The following MYRFL variants were observed in gnomAD, a reference collection of about 807,000 sequenced individuals.
MYRFL encodes myelin regulatory factor like, also known as myelin regulatory factor-like protein.
Under a neutral mutation model 109.4 loss-of-function variants are expected in MYRFL, and 88 were observed. That is an observed-to-expected ratio of 0.80 (90% CI 0.68 to 0.96). MYRFL has a LOEUF of 0.96. Among genes scored for constraint, MYRFL ranks in the 40% least tolerant of loss-of-function variants. The pLI is 0.00. For missense variants in MYRFL, 957 were observed against 954.9 expected, an observed-to-expected ratio of 1.00 and a Z score of -0.03; for synonymous variants, 324 against 320.9, an observed-to-expected ratio of 1.01 and a Z score of -0.10.
At chr12:69,842,587 G>A (rs1243705965) in intron 1 of MYRFL, among the ~76,000 whole-genome samples, 1 of 152,200 alleles carries the variant, frequency 6.6e-6, no homozygotes, top group Non-Finnish European at 1.5e-5. Flanking sequence ...AGCTGGCAGT[G>A]GGGTCCGGGA....
chr12:69,860,178 C>G (rs1409954169), intron 2 of MYRFL, among the ~76,000 whole-genome samples: 2 of 152,118 alleles, frequency 1.3e-5, no homozygotes, highest in East Asian at 3.8e-4. Flanking sequence ...TCAGCTCCCA[C>G]TTATAAGTGA....
rs967994302 is a variant in MYRFL at position 69,865,349 on chromosome 12, C to G, written c.137+9979C>G. Among the ~76,000 whole-genome samples the G allele has an allele frequency of 2.6e-5, 4 of 152,122 alleles. No homozygotes were observed. The East Asian group carries it at 5.8e-4, about 22-fold the overall frequency. On this transcript the variant is annotated intron_variant, in intron 2 of 24. Transcript: ENST00000552032. ...CCCAGCAGGGTCTGTTCAGATTTTT[C>G]TTGGCTTCTCTTTGTAGCATTGCTT...
chr12:69,868,653 T>G (rs1885152173), intron 2 of MYRFL, among the ~76,000 whole-genome samples: 1 of 152,222 alleles, frequency 6.6e-6, no homozygotes, highest in South Asian at 2.1e-4. Context: ...CCTTGTTTTT[T>G]GCTGCCATAT....
intron 19 of MYRFL, among the ~76,000 whole-genome samples, chr12:69,950,523 A>T (rs1374867702): frequency 6.6e-6 from 1 of 152,220 alleles, no homozygotes; most frequent in African/African-American, 2.4e-5. Flanking sequence ...AATAAATATG[A>T]CTAATGAGTA....
At chr12:69,853,397 AC>A (rs1258332394) in intron 1 of MYRFL, among the ~76,000 whole-genome samples, 2 of 141,438 alleles carry the variant, frequency 1.4e-5, no homozygotes, top group Non-Finnish European at 3.1e-5. Context: ...CACTTCTCAG[AC>A]GGGGCGGCCG....
chr12:69,958,605 CA>C lies in MYRFL; in HGVS notation c.*76del. The stretch of plus-strand genomic sequence containing the variant: ...TTTAACAGAAACGAACATCCTCTTG[CA>C]ACTTCTTTTTTCTTCTTTGTAAAAC... On this transcript the variant is annotated 3_prime_UTR_variant, in exon 25 of 25. Coordinates refer to ENST00000552032, the MANE Select transcript of MYRFL (RefSeq NM_182530.3). 1 of 1,109,660 alleles carries C rather than the reference CA, an allele frequency of 9.0e-7. No homozygotes were observed. The highest frequency in any genetic ancestry group is 1.6e-5 in the African/African-American group (1 of 62,832). 68.7% of individuals were successfully genotyped at this position (1,109,660 alleles called of 1,614,324 possible).
intron 19 of MYRFL, among the ~76,000 whole-genome samples, chr12:69,944,977 AC>A (rs200620220): frequency 0.035 from 5,278 of 152,254 alleles, 312 homozygotes; most frequent in African/African-American, 0.12. Flanking sequence ...ACTCATTAAT[AC>A]AAATTTTTTT....
chr12:69,957,767 G>C (rs1339443673), intron 22 of MYRFL, 55 bp from the exon 23 acceptor site: 6 of 1,490,298 alleles, frequency 4.0e-6, no homozygotes, highest in African/African-American at 2.8e-5. Flanking sequence ...ATGTATCCTA[G>C]TAGAAGCTGG....
In MYRFL at chr12:69,891,987, T is replaced by G. The variant is rs1252041493; in HGVS notation, c.903+821T>G. Among the ~76,000 whole-genome samples the G allele has an allele frequency of 2.0e-5, 3 of 152,118 alleles. No homozygotes were observed. In the East Asian group the frequency reaches 5.8e-4, roughly 29 times the overall value. ...CTACCATATCCAGCCAAGATGTCGA[T>G]TTCGTAAGCCTGGGCTCAGAAAATG... is the stretch of plus-strand genomic sequence containing the variant. On this transcript the variant is annotated intron_variant, in intron 7 of 24. Transcript: ENST00000552032.
chr12:69,943,637 T>C (rs1252792287), intron 19 of MYRFL, among the ~76,000 whole-genome samples: 5 of 150,638 alleles, frequency 3.3e-5, no homozygotes, highest in African/African-American at 1.2e-4. Context: ...GGACTTCATG[T>C]CTAAAACACC....
Position 69,895,472 on chromosome 12 carries a change from C to T in MYRFL, c.1082C>T (p.Pro361Leu), listed in dbSNP as rs899876959. 1.3e-6 allele frequency: 2 copies of T among 1,535,260 alleles called. No homozygotes were observed. The highest frequency in any genetic ancestry group is 1.4e-5 in the African/African-American group (1 of 72,990). ...ATGAGAAAAAAGGGAAAACCAAATC[C>T]AGACCAGAGGTACTGATGTCACTGT... is the stretch of plus-strand genomic sequence containing the variant. ...NNMRKKGKPN[P>L]DQRYFMLVVG... The change falls in exon 9 of 25, where the codon CCA (proline) becomes CTA (leucine). Residue 361 changes from proline to leucine, a missense_variant. Coordinates refer to ENST00000552032, the MANE Select transcript of MYRFL (RefSeq NM_182530.3).
chr12:69,866,954 C>T (rs539348235), intron 2 of MYRFL, among the ~76,000 whole-genome samples: 10 of 152,280 alleles, frequency 6.6e-5, no homozygotes, highest in African/African-American at 9.6e-5. Flanking sequence ...GTAAGAGAAA[C>T]GGAATGAAGT....
chr12:69,865,103 C>T (rs1448782226), intron 2 of MYRFL, among the ~76,000 whole-genome samples: 1 of 152,134 alleles, frequency 6.6e-6, no homozygotes, highest in Non-Finnish European at 1.5e-5. Flanking sequence ...ATGGTCACAA[C>T]CAACACTCCT....
Position 69,952,159 on chromosome 12 carries a change from T to C in MYRFL, c.2271T>C (p.Pro757=), listed in dbSNP as rs1955993857. 5.9e-6 allele frequency: 9 copies of C among 1,536,132 alleles called. No individual in the cohort carries two copies. Among genetic ancestry groups the C allele is most frequent in the Non-Finnish European group, 7.8e-6 (9 of 1,146,894 alleles). ...TGGCAAGAAATGCACTCAGCGGCCC[T>C]GACTGGGAGAGTGACTGTAAGTTGA... The part of the protein sequence containing the change: ...SVLARNALSG[P]DWESDWIDTT... Residue 757 remains proline, a synonymous_variant, in exon 20 of 25, where the codon CCT becomes CCC. Transcript: ENST00000552032.
chr12:69,871,888 C>T (rs1051386148), intron 2 of MYRFL, among the ~76,000 whole-genome samples: 2 of 152,256 alleles, frequency 1.3e-5, no homozygotes, highest in East Asian at 3.9e-4. Flanking sequence ...TTCTTTTCCT[C>T]GTCAATAAAC....
chr12:69,921,027 C>T (rs1327725123), intron 13 of MYRFL, among the ~76,000 whole-genome samples: 1 of 152,154 alleles, frequency 6.6e-6, no homozygotes, highest in Non-Finnish European at 1.5e-5. Context: ...ATCATTTTTA[C>T]ATCACAACTG....
intron 11 of MYRFL, among the ~76,000 whole-genome samples, chr12:69,908,794 G>T (rs1042030345): frequency 1.3e-5 from 2 of 152,092 alleles, no homozygotes; most frequent in Non-Finnish European, 2.9e-5. Flanking sequence ...TACAAGTGCA[G>T]GTTTGTTACA....
intron 13 of MYRFL, among the ~76,000 whole-genome samples, chr12:69,919,268 A>G (rs1459358237): frequency 6.6e-6 from 1 of 152,216 alleles, no homozygotes; most frequent in Non-Finnish European, 1.5e-5. Flanking sequence ...GAATTACAAC[A>G]AACTATGGCA....
At chr12:69,864,434 T>C (rs1884887370) in intron 2 of MYRFL, among the ~76,000 whole-genome samples, 2 of 152,106 alleles carry the variant, frequency 1.3e-5, no homozygotes, top group South Asian at 4.1e-4. Context: ...CTCCATTCTG[T>C]TATTGAGCCC....
Sources: gnomAD v4.1 joint callset for allele counts (sites outside exome capture counted in the v4.1 genomes callset) on GRCh38, gnomAD v4.1.1 for gene constraint, MANE v1.5 for transcripts, NCBI Gene and HGNC (gene_info 2026-07-23, HGNC 2026-07-21) for gene names.